RAP1GAP2: variants seen among roughly 807,000 people sequenced by gnomAD.
RAP1GAP2 encodes the protein RAP1 GTPase activating protein 2.
In RAP1GAP2, 27 loss-of-function variants were observed where a neutral mutation model predicts 95.0. The ratio of observed to expected loss-of-function variants is 0.28; its 90% CI spans 0.21 to 0.39. The LOEUF (loss-of-function observed/expected upper bound fraction) is 0.39, where lower values mean the gene tolerates loss of function less well. Ranked by LOEUF, RAP1GAP2 falls within the 10% of genes least tolerant of loss-of-function variation. The pLI is 1.00. For synonymous variants in RAP1GAP2, 373 were observed against 380.9 expected (o/e 0.98, Z 0.24); for missense variants, 771 against 970.0 (o/e 0.79, Z 2.72).
chr17:2,887,246 C>T (rs1197177927), intron 2 of RAP1GAP2, among the ~76,000 whole-genome samples: 4 of 150,578 alleles, frequency 2.7e-5, no homozygotes, highest in South Asian at 2.1e-4. Flanking sequence ...TTAGTAGAGA[C>T]GGGGTTTCCC....
At chr17:2,783,145 C>G (rs1043187134) in intron 1 of RAP1GAP2, among the ~76,000 whole-genome samples, 2 of 152,128 alleles carry the variant, frequency 1.3e-5, no homozygotes, top group Non-Finnish European at 2.9e-5. Context: ...GTTCTGAACC[C>G]AGACCCGTTC....
Position 2,963,819 on chromosome 17 carries a change from G to C in RAP1GAP2, c.280-37G>C. On this transcript the variant is annotated intron_variant, in intron 6 of 24. Transcript: ENST00000254695. The surrounding 1 kb of genome is among the most constrained non-coding windows in gnomAD (Gnocchi z 4.8). ...CCACCGGCCCCCTCCCTCCCCTGCG[G>C]TCCCAGGGGAGCGCACGACCCTCCC... 6.7e-7 allele frequency: 1 copy of C among 1,493,120 alleles called. No individual in the cohort carries two copies. 92.5% of individuals were successfully genotyped at this position (1,493,120 alleles called of 1,614,324 possible). A position where few individuals can be genotyped will look rare whatever the true frequency, so the allele number is the denominator to read the frequency against.
chr17:2,862,619 C>A (rs990789563), intron 2 of RAP1GAP2, among the ~76,000 whole-genome samples: 2 of 151,952 alleles, frequency 1.3e-5, no homozygotes, highest in African/African-American at 2.4e-5. Flanking sequence ...TGGACAAGTG[C>A]TTTTTATTTT....
intron 7 of RAP1GAP2, 105 bp downstream of exon 7, chr17:2,964,173 C>A: frequency 1.2e-6 from 1 of 839,990 alleles, no homozygotes; most frequent in Non-Finnish European, 1.7e-6. Context: ...TTGAGGGAGG[C>A]TGTGGGAGGC....
rs2042758437 is a variant in RAP1GAP2 at position 2,921,224 on chromosome 17, GA to G, written c.165+15857del. 3.8e-5 allele frequency among the ~76,000 whole-genome samples: 4 copies of G among 106,212 alleles called. No homozygotes were observed. The South Asian group carries it at 1.4e-3, about 36-fold the overall frequency. The allele number at this position is 106,212 out of a possible 152,430, so 69.7% of individuals were successfully genotyped here. ...TCTTTTTTTTTTCTTTTTTGAGACA[GA>G]GTCTCACTCTGTCACCCAGGCTGAA... On this transcript the variant is annotated intron_variant, in intron 3 of 24. Coordinates refer to ENST00000254695, the MANE Select transcript of RAP1GAP2 (RefSeq NM_015085.5).
chr17:2,871,425 GAGAGTCAGGGGCGCACTCTGGTC>G lies in RAP1GAP2; in HGVS notation c.81-33853_81-33831del, dbSNP rs1226429158. 2.6e-5 allele frequency among the ~76,000 whole-genome samples: 4 copies of G among 152,158 alleles called. No individual in the cohort carries two copies. The highest frequency in any genetic ancestry group is 7.2e-5 in the African/African-American group (3 of 41,424). On this transcript the variant is annotated intron_variant, in intron 2 of 24. Transcript: ENST00000254695. This position sits in a 1 kb window ranked among gnomAD's most constrained non-coding sequence, Gnocchi z 5.0. ...AGCGGGGAGCCATGATTGGCCCAGG[GAGAGTCAGGGGCGCACTCTGGTC>G]AGAGTGGTGTTGTGTTACAAGAGTC... is the stretch of plus-strand genomic sequence containing the variant.
upstream of RAP1GAP2, among the ~76,000 whole-genome samples, chr17:2,776,564 C>G (rs904997610): frequency 6.6e-6 from 1 of 152,048 alleles, no homozygotes; most frequent in African/African-American, 2.4e-5. Context: ...GCCCCCTCTC[C>G]GCGGCTGCGC....
chr17:2,876,112 T>C (rs953505233), intron 2 of RAP1GAP2, among the ~76,000 whole-genome samples: 18 of 151,908 alleles, frequency 1.2e-4, no homozygotes, highest in Admixed American at 2.6e-4. Flanking sequence ...TAATTTTTTG[T>C]ATTTTTAGTA....
At chr17:2,967,082 GT>G (rs1300031182) in intron 8 of RAP1GAP2, among the ~76,000 whole-genome samples, 1 of 152,188 alleles carries the variant, frequency 6.6e-6, no homozygotes, top group Non-Finnish European at 1.5e-5. Flanking sequence ...AGAAAGCAGT[GT>G]TGTGGCCAGG....
chr17:2,949,961 G>A (rs1276058890), intron 3 of RAP1GAP2, among the ~76,000 whole-genome samples: 1 of 152,218 alleles, frequency 6.6e-6, no homozygotes, highest in African/African-American at 2.4e-5. Context: ...CGTTGCTCAT[G>A]GCTGAGGCTG....
At chr17:2,912,426 G>C (rs748397745) in intron 3 of RAP1GAP2, among the ~76,000 whole-genome samples, 3 of 152,162 alleles carry the variant, frequency 2.0e-5, no homozygotes, top group African/African-American at 7.2e-5. Flanking sequence ...CCCCTCATCA[G>C]GGTGGAGTGA....
At chr17:3,023,021 A>G (rs1462606857) in intron 19 of RAP1GAP2, among the ~76,000 whole-genome samples, 2 of 152,202 alleles carry the variant, frequency 1.3e-5, no homozygotes, top group East Asian at 3.8e-4. Flanking sequence ...TGAAATGATC[A>G]TGTGGTTTTT....
intron 20 of RAP1GAP2, 58 bp downstream of exon 20, chr17:3,026,179 C>T: frequency 1.4e-6 from 2 of 1,407,546 alleles, no homozygotes; most frequent in Non-Finnish European, 2.0e-6. Context: ...TGGAACACGC[C>T]CTCTGCCTCC....
rs562110348 is a variant in RAP1GAP2, at chr17:2,867,825, T to C, written c.81-37459T>C. On this transcript the variant is annotated intron_variant, in intron 2 of 24. Transcript: ENST00000254695. This position sits in a 1 kb window ranked among gnomAD's most constrained non-coding sequence, Gnocchi z 4.5. ...TGATGCTGATCTTGGCACGGTCTTG[T>C]CAACTTGGCTGGTGGCTGCAGCTGC... Among the ~76,000 whole-genome samples, 14 of 152,252 alleles carry C rather than the reference T, an allele frequency of 9.2e-5. No individual in the cohort carries two copies. The East Asian group carries it at 2.7e-3, about 29-fold the overall frequency.
chr17:2,861,656 G>C (rs568819096), intron 2 of RAP1GAP2, among the ~76,000 whole-genome samples: 5 of 150,860 alleles, frequency 3.3e-5, no homozygotes, highest in South Asian at 2.1e-4. Context: ...TTTTTGGGGG[G>C]GGGGACGGAG....
rs575346306 is a variant in RAP1GAP2 at position 2,996,092 on chromosome 17, C to G, written c.1044+626C>G. Among the ~76,000 whole-genome samples the G allele has an allele frequency of 2.0e-5, 3 of 152,248 alleles. 1 individual carries two copies. The South Asian group carries it at 6.2e-4, about 32-fold the overall frequency. On this transcript the variant is annotated intron_variant, in intron 13 of 24. Coordinates refer to ENST00000254695, the MANE Select transcript of RAP1GAP2 (RefSeq NM_015085.5). ...GTCCAGCCCCTGGTCATTTTGTCCC[C>G]CTTCCTGCCCCAGTGACGGAAGGCT...
chr17:2,977,443 C>T (rs971182306), intron 8 of RAP1GAP2, among the ~76,000 whole-genome samples: 2 of 151,944 alleles, frequency 1.3e-5, no homozygotes, highest in Admixed American at 6.6e-5. Context: ...CTTTATTATA[C>T]AAACTATTTC....
chr17:2,957,946 G>A (rs905219414), intron 4 of RAP1GAP2, among the ~76,000 whole-genome samples, 152 bp downstream of exon 4: 1 of 152,134 alleles, frequency 6.6e-6, no homozygotes, highest in East Asian at 1.9e-4. Context: ...GACAACCTGA[G>A]GCCATTTTGC....
Position 3,004,821 on chromosome 17 carries a change from T to A in RAP1GAP2, c.1201-548T>A, listed in dbSNP as rs2046283526. Among the ~76,000 whole-genome samples, 1 of 152,242 alleles carries A rather than the reference T, an allele frequency of 6.6e-6. No individual in the cohort carries two copies. Among genetic ancestry groups the A allele is most frequent in the Admixed American group, 6.5e-5 (1 of 15,288 alleles). On this transcript the variant is annotated intron_variant, in intron 14 of 24. Transcript: ENST00000254695. The surrounding 1 kb of genome is among the most constrained non-coding windows in gnomAD (Gnocchi z 4.1). ...AGCCCATGAACCCAGTCTGTATTTTTAAACACCTGAAGCAATTTTGAAGCA... is the reference window on the plus strand; with the variant it reads ...AGCCCATGAACCCAGTCTGTATTTTAAAACACCTGAAGCAATTTTGAAGCA...
Sources: gnomAD v4.1 joint callset for allele counts (sites outside exome capture counted in the v4.1 genomes callset) on GRCh38, gnomAD v4.1.1 for gene constraint, Gnocchi (gnomAD v3.1) non-coding constraint, MANE v1.5 for transcripts, NCBI Gene and HGNC (gene_info 2026-07-23, HGNC 2026-07-21) for gene names.